The following TTYH2 variants were observed in gnomAD, a reference collection of about 807,000 sequenced individuals.
The protein encoded by TTYH2 is tweety family member 2.
A neutral mutation model predicts 68.3 loss-of-function variants in TTYH2; 49 were observed. The observed-to-expected ratio is 0.72, with a 90% CI of 0.57 to 0.91. TTYH2 has a LOEUF of 0.91. Among genes scored for constraint, TTYH2 ranks in the 40% least tolerant of loss-of-function variants. The probability of loss-of-function intolerance (pLI) is 0.00; values close to 1 mark genes in which losing one functional copy is unlikely to be tolerated. For synonymous variants in TTYH2, 272 were observed against 300.8 expected (o/e 0.90, Z 0.99); for missense variants, 631 against 700.4 (o/e 0.90, Z 1.12).
chr17:74,250,436 G>A (rs2050610495), intron 10 of TTYH2, 79 bp downstream of exon 10: 1 of 1,248,712 alleles, frequency 8.0e-7, no homozygotes, highest in Non-Finnish European at 1.1e-6. Flanking sequence ...AGCCGGTAGA[G>A]GCCGAGGGGA....
chr17:74,251,976 C>G, intron 10 of TTYH2: 1 of 485,528 alleles, frequency 2.1e-6, no homozygotes, highest in Non-Finnish European at 3.7e-6. Flanking sequence ...CAACCTCCTC[C>G]GCCCTGTTCA....
Position 74,253,843 on chromosome 17 carries a change from G to A in TTYH2, c.1524+10G>A, listed in dbSNP as rs779332680. 6.2e-7 allele frequency: 1 copy of A among 1,614,080 alleles called. No homozygotes were observed. Among genetic ancestry groups the A allele is most frequent in the Non-Finnish European group, 8.5e-7 (1 of 1,179,904 alleles). ...CTCCCCTCCGCCTACGGTAATTGGG[G>A]CTCTGGCCCTTCCTTGTTGGGGTAA... On this transcript the variant is annotated intron_variant, in intron 13 of 13. Transcript: ENST00000269346.
intron 2 of TTYH2, among the ~76,000 whole-genome samples, chr17:74,224,862 G>T (rs2050313888): frequency 6.6e-6 from 1 of 152,212 alleles, no homozygotes; most frequent in African/African-American, 2.4e-5. Flanking sequence ...AGCTGGGCGT[G>T]GTGGCGAGTG....
At chr17:74,245,562 G>A (rs888461691) in intron 6 of TTYH2, among the ~76,000 whole-genome samples, 2 of 152,232 alleles carry the variant, frequency 1.3e-5, no homozygotes, top group South Asian at 2.1e-4. Flanking sequence ...CAGTGTTCAC[G>A]AAAACCAGAG....
chr17:74,239,946 G>C lies in TTYH2; in HGVS notation c.635+2432G>C, dbSNP rs570363155. On this transcript the variant is annotated intron_variant, in intron 4 of 13. Transcript: ENST00000269346. This position sits in a 1 kb window ranked among gnomAD's most constrained non-coding sequence, Gnocchi z 5.3. Reference sequence around the variant, plus strand: ...CTCTGAGCACACCTAGCAGAGGACTGTGTATGTTTAAGGGCCTCATGTGGG... The same window carrying C: ...CTCTGAGCACACCTAGCAGAGGACTCTGTATGTTTAAGGGCCTCATGTGGG... Among the ~76,000 whole-genome samples the C allele has an allele frequency of 6.6e-6, 1 of 152,234 alleles. No individual in the cohort carries two copies. Among genetic ancestry groups the C allele is most frequent in the Non-Finnish European group, 1.5e-5 (1 of 68,050 alleles).
At chr17:74,254,261 G>A (rs1385610636) in intron 13 of TTYH2, among the ~76,000 whole-genome samples, 1 of 152,088 alleles carries the variant, frequency 6.6e-6, no homozygotes, top group East Asian at 1.9e-4. Context: ...CTGCAACCCA[G>A]GTTTCAAGCA....
At position 74,215,813 on chromosome 17, in the gene TTYH2, C is replaced by A. The variant is rs1177070912; in HGVS notation, c.129+2097C>A. 1.6e-5 allele frequency: 19 copies of A among 1,213,362 alleles called. No individual in the cohort carries two copies. In the East Asian group the frequency reaches 4.1e-4, roughly 26 times the overall value. 75.2% of individuals were successfully genotyped at this position (1,213,362 alleles called of 1,614,324 possible). A position where few individuals can be genotyped will look rare whatever the true frequency, so the allele number is the denominator to read the frequency against. ...CAGGTGGACCGTCGGTCATCCCAGT[C>A]TTCAGCAAGCTTGACTGGAGCAAGT... On this transcript the variant is annotated intron_variant, in intron 1 of 13. Transcript: ENST00000269346. This position sits in a 1 kb window ranked among gnomAD's most constrained non-coding sequence, Gnocchi z 4.3.
Position 74,222,660 on chromosome 17 carries a change from G to A in TTYH2, c.302+3G>A, listed in dbSNP as rs2050288494. 1.2e-6 allele frequency: 2 copies of A among 1,606,614 alleles called. No homozygotes were observed. Among genetic ancestry groups the A allele is most frequent in the Admixed American group, 1.7e-5 (1 of 59,822 alleles). ...GTGGTGGCCGGGCTCATCTGCTGGT[G>A]AGTGTCCCTGGACGCTGGGCTTGGG... On this transcript the variant is annotated splice_donor_region_variant and intron_variant, in intron 2 of 13. Transcript: ENST00000269346. This position sits in a 1 kb window ranked among gnomAD's most constrained non-coding sequence, Gnocchi z 5.2.
Position 74,215,653 on chromosome 17 carries a change from G to A in TTYH2, c.129+1937G>A, listed in dbSNP as rs1022116992. 178 of 1,535,626 alleles carry A rather than the reference G, an allele frequency of 1.2e-4. No individual in the cohort carries two copies. In the Admixed American group the frequency reaches 2.8e-3, roughly 24 times the overall value. On this transcript the variant is annotated intron_variant, in intron 1 of 13. Transcript: ENST00000269346. The surrounding 1 kb of genome is among the most constrained non-coding windows in gnomAD (Gnocchi z 4.3). Reference sequence around the variant, plus strand: ...TCAGATCGCTGAGTAGGAGATGAGCGTGGTGGGCCAGGACCGGAAGTCTGG... The same window carrying A: ...TCAGATCGCTGAGTAGGAGATGAGCATGGTGGGCCAGGACCGGAAGTCTGG...
At chr17:74,248,646 C>G (rs781398180) in intron 6 of TTYH2, 1 of 1,136,852 alleles carries the variant, frequency 8.8e-7, no homozygotes, top group Non-Finnish European at 1.1e-6. Context: ...TGCAGCTGCC[C>G]TGGGGCCCAG....
chr17:74,234,647 C>CT (rs528709027), intron 3 of TTYH2, among the ~76,000 whole-genome samples: 1,598 of 151,800 alleles, frequency 0.011, 29 homozygotes, highest in African/African-American at 0.036. Flanking sequence ...ATACTGCCTT[C>CT]TTTTTTTTTC....
chr17:74,250,158 C>A, intron 9 of TTYH2, 107 bp from the exon 10 acceptor site: 1 of 1,458,460 alleles, frequency 6.9e-7, no homozygotes, highest in Non-Finnish European at 9.4e-7. Context: ...CGTGACTCGG[C>A]TCCCTCCCTT....
Position 74,213,738 on chromosome 17 carries a change from C to A in TTYH2, c.129+22C>A, listed in dbSNP as rs781657500. On this transcript the variant is annotated intron_variant, in intron 1 of 13. Transcript: ENST00000269346. The surrounding 1 kb of genome is among the most constrained non-coding windows in gnomAD (Gnocchi z 6.1). ...GGAGGTAAGTTTACGCCGCCCCAGA[C>A]CGCAGCCACGCGCGCCCCAAGTCCC... 6.2e-7 allele frequency: 1 copy of A among 1,605,994 alleles called. No individual in the cohort carries two copies. Among genetic ancestry groups the A allele is most frequent in the South Asian group, 1.1e-5 (1 of 90,332 alleles).
chr17:74,215,627 C>T lies in TTYH2; in HGVS notation c.129+1911C>T. ...GGTCCCGCTCACCCCCTCACCACCACTCAGATCGCTGAGTAGGAGATGAGC... is the reference window on the plus strand; with the variant it reads ...GGTCCCGCTCACCCCCTCACCACCATTCAGATCGCTGAGTAGGAGATGAGC... On this transcript the variant is annotated intron_variant, in intron 1 of 13. Transcript: ENST00000269346. The surrounding 1 kb of genome is among the most constrained non-coding windows in gnomAD (Gnocchi z 4.3). 1 of 1,535,642 alleles carries T rather than the reference C, an allele frequency of 6.5e-7. No individual in the cohort carries two copies. The highest frequency in any genetic ancestry group is 8.7e-7 in the Non-Finnish European group (1 of 1,146,864).
chr17:74,217,509 C>A lies in TTYH2; in HGVS notation c.129+3793C>A, dbSNP rs902815055. 6.6e-6 allele frequency among the ~76,000 whole-genome samples: 1 copy of A among 152,170 alleles called. No homozygotes were observed. Among genetic ancestry groups the A allele is most frequent in the Non-Finnish European group, 1.5e-5 (1 of 68,018 alleles). Reference sequence around the variant, plus strand: ...GACCAGGCAGCAAGCCCATCCCAGCCGAGATCTGAGAAGAGCTGAGGTTGG... The same window carrying A: ...GACCAGGCAGCAAGCCCATCCCAGCAGAGATCTGAGAAGAGCTGAGGTTGG... On this transcript the variant is annotated intron_variant, in intron 1 of 13. Transcript: ENST00000269346. This position sits in a 1 kb window ranked among gnomAD's most constrained non-coding sequence, Gnocchi z 4.0.
rs1410341820 is a variant in TTYH2, at chr17:74,253,824, T to G, written c.1515T>G (p.Pro505=). Residue 505 remains proline, a synonymous_variant, in exon 13 of 14, where the codon CCT becomes CCG. Transcript: ENST00000269346. ...TGCCACTAATCGGGAGAGCCTCCCC[T>G]CCGCCTACGGTAATTGGGGCTCTGG... ...ENVPLIGRAS[P]PPTYSPSMRA... 5 of 1,614,056 alleles carry G rather than the reference T, an allele frequency of 3.1e-6. No homozygotes were observed. Among genetic ancestry groups the G allele is most frequent in the Non-Finnish European group, 1.7e-6 (2 of 1,180,022 alleles).
At chr17:74,234,208 C>T (rs1362112953) in intron 3 of TTYH2, among the ~76,000 whole-genome samples, 1 of 152,194 alleles carries the variant, frequency 6.6e-6, no homozygotes, top group Non-Finnish European at 1.5e-5. Context: ...GAGTGAGTTC[C>T]CAGGGGGTGC....
intron 13 of TTYH2, among the ~76,000 whole-genome samples, chr17:74,259,341 G>A (rs2050724709): frequency 6.6e-6 from 1 of 151,998 alleles, no homozygotes. Flanking sequence ...AGCCTCCCAA[G>A]TGGCTGGGAC....
Position 74,215,470 on chromosome 17 carries a change from A to C in TTYH2, c.129+1754A>C. On this transcript the variant is annotated intron_variant, in intron 1 of 13. Coordinates refer to ENST00000269346, the MANE Select transcript of TTYH2 (RefSeq NM_032646.6). This position sits in a 1 kb window ranked among gnomAD's most constrained non-coding sequence, Gnocchi z 4.3. ...AGTTGAGCCAGATGAACCTACCTCC[A>C]GCCTCTGCCCCTCCTCCCAGGATTC... is the stretch of plus-strand genomic sequence containing the variant. 1 of 664,822 alleles carries C rather than the reference A, an allele frequency of 1.5e-6. No homozygotes were observed. The highest frequency in any genetic ancestry group is 2.5e-6 in the Non-Finnish European group (1 of 394,456). The allele number at this position is 664,822 out of a possible 1,614,324, so 41.2% of individuals were successfully genotyped here. A position where few individuals can be genotyped will look rare whatever the true frequency, so the allele number is the denominator to read the frequency against.
Sources: allele counts gnomAD v4.1 joint callset (sites outside exome capture counted in the v4.1 genomes callset), GRCh38; gene constraint gnomAD v4.1.1; non-coding constraint Gnocchi (gnomAD v3.1); transcripts MANE v1.5; gene names NCBI Gene and HGNC (gene_info 2026-07-23, HGNC 2026-07-21).